ABTB3: variants seen among roughly 807,000 people sequenced by gnomAD.
ABTB3 encodes the protein ankyrin repeat- and BTB/POZ domain-containing protein 3.
At chr12:107,621,177 T>A in the ABTB3 span, among the ~76,000 whole-genome samples, 1 of 152,136 alleles carries the variant, frequency 6.6e-6, no homozygotes, top group Admixed American at 6.5e-5. Flanking sequence ...CATTAGGTGT[T>A]CTCATTAGCG....
chr12:107,589,129 T>A, the ABTB3 span, among the ~76,000 whole-genome samples: 1 of 152,210 alleles, frequency 6.6e-6, no homozygotes, highest in South Asian at 2.1e-4. Flanking sequence ...TTAGATGAAA[T>A]AATGTGTACA....
chr12:107,553,113 T>C, the ABTB3 span, among the ~76,000 whole-genome samples: 1 of 152,210 alleles, frequency 6.6e-6, no homozygotes, highest in Non-Finnish European at 1.5e-5. Context: ...GTTGTTTCAG[T>C]GACAAATGAA....
chr12:107,407,359 A>G, the ABTB3 span, among the ~76,000 whole-genome samples: 9 of 152,350 alleles, frequency 5.9e-5, 1 homozygote, highest in East Asian at 1.3e-3. Context: ...AATTGCTTAC[A>G]TATCTGTGGG....
At chr12:107,465,744 C>T in the ABTB3 span, among the ~76,000 whole-genome samples, 1 of 152,194 alleles carries the variant, frequency 6.6e-6, no homozygotes, top group East Asian at 1.9e-4. Context: ...GGGCCTGGCT[C>T]ATCTTGTCTC....
At chr12:107,610,579 G>C in the ABTB3 span, among the ~76,000 whole-genome samples, 1 of 152,170 alleles carries the variant, frequency 6.6e-6, no homozygotes, top group Admixed American at 6.5e-5. Context: ...CATTGCAGCT[G>C]AAATGGAAAA....
chr12:107,365,720 T>C, the ABTB3 span, among the ~76,000 whole-genome samples: 1 of 152,198 alleles, frequency 6.6e-6, no homozygotes, highest in South Asian at 2.1e-4. Flanking sequence ...TGCTGTGATA[T>C]TGGGTAGGTC....
chr12:107,321,661 C>T, the ABTB3 span, among the ~76,000 whole-genome samples: 2 of 151,876 alleles, frequency 1.3e-5, no homozygotes, highest in Non-Finnish European at 2.9e-5. Context: ...ATGGAAACAT[C>T]TGGGGAGAAG....
chr12:107,339,876 A>T, the ABTB3 span, among the ~76,000 whole-genome samples: 1 of 152,152 alleles, frequency 6.6e-6, no homozygotes, highest in Non-Finnish European at 1.5e-5. Flanking sequence ...GCCCCATCCC[A>T]TGTCACACTC....
chr12:107,594,847 C>CA, the ABTB3 span, among the ~76,000 whole-genome samples: 1 of 151,914 alleles, frequency 6.6e-6, no homozygotes, highest in African/African-American at 2.4e-5. Flanking sequence ...AAAGATGATG[C>CA]AAAAAAATTG....
At chr12:107,510,134 G>A in the ABTB3 span, among the ~76,000 whole-genome samples, 3 of 152,286 alleles carry the variant, frequency 2.0e-5, no homozygotes, top group East Asian at 3.9e-4. Flanking sequence ...AGGTCCGTCC[G>A]ATGCCCATTC....
the ABTB3 span, chr12:107,319,981 C>T: frequency 2.5e-6 from 4 of 1,584,192 alleles, no homozygotes; most frequent in Non-Finnish European, 3.4e-6. Context: ...CCAAGTTCAC[C>T]GTGGAGACCC....
the ABTB3 span, among the ~76,000 whole-genome samples, chr12:107,434,387 C>T: frequency 1.3e-5 from 2 of 152,110 alleles, no homozygotes; most frequent in African/African-American, 2.4e-5. Flanking sequence ...GGCATGTGGG[C>T]GAGACACCCA....
chr12:107,332,252 T>C, the ABTB3 span, among the ~76,000 whole-genome samples: 1 of 152,184 alleles, frequency 6.6e-6, no homozygotes, highest in Non-Finnish European at 1.5e-5. Flanking sequence ...AGAGTTGGAC[T>C]TGTCTAATGA....
chr12:107,542,311 C>CAAAA, the ABTB3 span, among the ~76,000 whole-genome samples: 14 of 119,192 alleles, frequency 1.2e-4, 1 homozygote, highest in East Asian at 7.6e-4. Context: ...AACTCTGTCT[C>CAAAA]AAAAAAAAAA....
chr12:107,653,965 G>C, the ABTB3 span, among the ~76,000 whole-genome samples: 1 of 151,996 alleles, frequency 6.6e-6, no homozygotes, highest in African/African-American at 2.4e-5. Context: ...CCCAGGCCCG[G>C]GTATTTACCA....
the ABTB3 span, among the ~76,000 whole-genome samples, chr12:107,656,982 G>T: frequency 6.6e-6 from 1 of 152,186 alleles, no homozygotes; most frequent in African/African-American, 2.4e-5. Context: ...GGTGGAGGTT[G>T]CAGTGAGCCG....
At chr12:107,462,594 G>A in the ABTB3 span, among the ~76,000 whole-genome samples, 1 of 152,066 alleles carries the variant, frequency 6.6e-6, no homozygotes, top group African/African-American at 2.4e-5. Flanking sequence ...AGTGATTATG[G>A]TGGTAGTGAC....
the ABTB3 span, among the ~76,000 whole-genome samples, chr12:107,623,605 G>A: frequency 4.6e-5 from 7 of 152,074 alleles, no homozygotes; most frequent in East Asian, 1.4e-3. Flanking sequence ...GACCTCAGGT[G>A]ATCTACTTGC....
At chr12:107,485,544 C>T in the ABTB3 span, among the ~76,000 whole-genome samples, 4 of 152,098 alleles carry the variant, frequency 2.6e-5, no homozygotes, top group African/African-American at 4.8e-5. Context: ...TATGTGTTTA[C>T]ACAGTGAAGG....
Sources: gnomAD v4.1 joint callset for allele counts (sites outside exome capture counted in the v4.1 genomes callset) on GRCh38, gnomAD v4.1.1 for gene constraint, MANE v1.5 for transcripts, NCBI Gene and HGNC (gene_info 2026-07-23, HGNC 2026-07-21) for gene names.